Variants in DCC observed in about 807,000 individuals in gnomAD.
DCC encodes DCC netrin 1 receptor, also known as netrin receptor DCC.
Under a neutral mutation model 172.5 loss-of-function variants are expected in DCC, and 58 were observed. The observed-to-expected ratio is 0.34, with a 90% CI of 0.27 to 0.42. DCC has a LOEUF of 0.42. DCC is among the 10% of genes least tolerant of loss of function. DCC has a pLI of 1.00. For missense variants in DCC, 1,740 were observed against 1,791.0 expected, an observed-to-expected ratio of 0.97 and a Z score of 0.51; for synonymous variants, 709 against 644.5, an observed-to-expected ratio of 1.10 and a Z score of -1.52.
intron 12 of DCC, among the ~76,000 whole-genome samples, chr18:53,276,189 C>G (rs1280229092): frequency 2.0e-5 from 3 of 152,128 alleles, no homozygotes; most frequent in African/African-American, 7.2e-5. Flanking sequence ...ATTTGCATTT[C>G]TAATAGAAAA....
intron 1 of DCC, among the ~76,000 whole-genome samples, chr18:52,364,192 A>G (rs1704326670): frequency 6.6e-6 from 1 of 152,206 alleles, no homozygotes; most frequent in Admixed American, 6.5e-5. Context: ...ACAACACTAA[A>G]TGTCTTTATG....
At chr18:53,300,962 A>ATTTCTTTCTTTCTTTCT (rs2057128362) in intron 12 of DCC, among the ~76,000 whole-genome samples, 1 of 120,192 alleles carries the variant, frequency 8.3e-6, no homozygotes, top group Non-Finnish European at 1.9e-5. Flanking sequence ...TTCTGGATTC[A>ATTTCTTTCTTTCTTTCT]TTCTTTCTTT....
intron 2 of DCC, among the ~76,000 whole-genome samples, chr18:52,807,993 C>T (rs1359365104): frequency 6.6e-6 from 1 of 152,144 alleles, no homozygotes; most frequent in Admixed American, 6.5e-5. Context: ...TTAAATGGCT[C>T]AGGGGCCTTG....
intron 9 of DCC, among the ~76,000 whole-genome samples, chr18:53,185,295 G>A (rs1216860727): frequency 1.3e-5 from 2 of 152,058 alleles, no homozygotes; most frequent in Non-Finnish European, 2.9e-5. Flanking sequence ...TTACAGGTGG[G>A]CTTGAGATGA....
chr18:53,236,894 T>C (rs1245785498), intron 12 of DCC, among the ~76,000 whole-genome samples: 1 of 152,118 alleles, frequency 6.6e-6, no homozygotes, highest in East Asian at 1.9e-4. Flanking sequence ...CACATTTGTG[T>C]CTATTTCTGG....
At chr18:53,294,343 G>T (rs1362988291) in intron 12 of DCC, among the ~76,000 whole-genome samples, 2 of 152,206 alleles carry the variant, frequency 1.3e-5, no homozygotes, top group African/African-American at 4.8e-5. Context: ...TAAACCAGAA[G>T]AAGTGAGGTG....
At chr18:53,398,712 A>G (rs1341991864) in intron 18 of DCC, among the ~76,000 whole-genome samples, 2 of 152,136 alleles carry the variant, frequency 1.3e-5, no homozygotes, top group African/African-American at 4.8e-5. Flanking sequence ...ATCTGACTTG[A>G]TATATGCACC....
intron 24 of DCC, among the ~76,000 whole-genome samples, chr18:53,464,941 T>C (rs1169098469): frequency 7.8e-6 from 1 of 128,712 alleles, no homozygotes; most frequent in Non-Finnish European, 1.5e-5. Flanking sequence ...ATCACGCCAC[T>C]GCACTCCAGC....
At chr18:53,099,778 C>A (rs1447109003) in intron 7 of DCC, among the ~76,000 whole-genome samples, 2 of 151,976 alleles carry the variant, frequency 1.3e-5, no homozygotes, top group Non-Finnish European at 2.9e-5. Context: ...AATTCTATTA[C>A]TATTACATGT....
intron 5 of DCC, among the ~76,000 whole-genome samples, chr18:53,005,967 A>T (rs943105071): frequency 1.3e-5 from 2 of 152,156 alleles, no homozygotes; most frequent in Non-Finnish European, 2.9e-5. Flanking sequence ...AGTATGTTCT[A>T]TGTTGGCAGT....
At chr18:52,857,839 A>G (rs74790921) in intron 2 of DCC, among the ~76,000 whole-genome samples, 1 of 152,330 alleles carries the variant, frequency 6.6e-6, no homozygotes, top group East Asian at 1.9e-4. Context: ...AGCTCTAATG[A>G]GCCAAATCTG....
At chr18:53,086,003 TCTC>T (rs2042877673) in intron 7 of DCC, among the ~76,000 whole-genome samples, 1 of 25,710 alleles carries the variant, frequency 3.9e-5, no homozygotes, top group Admixed American at 2.4e-4. Context: ...TTCTCCTTCT[TCTC>T]CTTCTCCTTC....
At chr18:53,367,098 A>C (rs1347335050) in intron 15 of DCC, among the ~76,000 whole-genome samples, 1 of 152,236 alleles carries the variant, frequency 6.6e-6, no homozygotes, top group African/African-American at 2.4e-5. Flanking sequence ...AAGAATGGAC[A>C]AGTATGTGAA....
intron 5 of DCC, among the ~76,000 whole-genome samples, chr18:53,021,485 A>C (rs1281101802): frequency 6.6e-6 from 1 of 152,180 alleles, no homozygotes; most frequent in Non-Finnish European, 1.5e-5. Context: ...ACTGTGAAAT[A>C]CCATACCTCT....
chr18:52,756,362 T>C (rs1462406564), intron 2 of DCC, among the ~76,000 whole-genome samples: 1 of 152,136 alleles, frequency 6.6e-6, no homozygotes, highest in African/African-American at 2.4e-5. Flanking sequence ...ACCTGGGGCT[T>C]TATGCCATAT....
intron 28 of DCC, among the ~76,000 whole-genome samples, chr18:53,528,263 T>C (rs544161924): frequency 3.3e-5 from 5 of 152,136 alleles, no homozygotes; most frequent in African/African-American, 9.7e-5. Flanking sequence ...GACATAGAGA[T>C]CAGGGAAGCT....
At chr18:52,819,135 C>A (rs1244910770) in intron 2 of DCC, among the ~76,000 whole-genome samples, 1 of 151,522 alleles carries the variant, frequency 6.6e-6, no homozygotes, top group Non-Finnish European at 1.5e-5. Context: ...ATTAACAATA[C>A]AATCAAGTGC....
intron 2 of DCC, among the ~76,000 whole-genome samples, chr18:52,775,752 C>T (rs908691687): frequency 6.6e-6 from 1 of 152,186 alleles, no homozygotes; most frequent in East Asian, 1.9e-4. Flanking sequence ...GACGTCTGGC[C>T]GCCTGTGTGT....
At chr18:52,483,006 C>G (rs917148730) in intron 1 of DCC, among the ~76,000 whole-genome samples, 5 of 152,052 alleles carry the variant, frequency 3.3e-5, no homozygotes, top group Non-Finnish European at 4.4e-5. Flanking sequence ...ATAGTATGCT[C>G]TCCCTCGAAG....
Sources: gnomAD v4.1 joint callset for allele counts (sites outside exome capture counted in the v4.1 genomes callset) on GRCh38, gnomAD v4.1.1 for gene constraint, MANE v1.5 for transcripts, NCBI Gene and HGNC (gene_info 2026-07-23, HGNC 2026-07-21) for gene names.